The following CCM2 variants were observed in gnomAD, a reference collection of about 807,000 sequenced individuals.
CCM2 encodes the protein cerebral cavernous malformations 2 protein.
A neutral mutation model predicts 44.9 loss-of-function variants in CCM2; 25 were observed. The observed-to-expected ratio is 0.56, with a 90% CI of 0.41 to 0.78. CCM2 has a LOEUF of 0.78. Among genes scored for constraint, CCM2 ranks in the 30% least tolerant of loss-of-function variants. The probability of loss-of-function intolerance (pLI) is 0.00; values close to 1 mark genes in which losing one functional copy is unlikely to be tolerated. For synonymous variants in CCM2, 219 were observed against 241.1 expected (o/e 0.91, Z 0.85); for missense variants, 481 against 580.6 (o/e 0.83, Z 1.76).
At chr7:45,056,303 T>C (rs533778291) in intron 2 of CCM2, among the ~76,000 whole-genome samples, 1 of 152,356 alleles carries the variant, frequency 6.6e-6, no homozygotes, top group East Asian at 1.9e-4. Flanking sequence ...CCATCAGTAA[T>C]GCACAGGGTT....
At chr7:45,066,647 G>T (rs576479441) in intron 4 of CCM2, among the ~76,000 whole-genome samples, 6 of 152,290 alleles carry the variant, frequency 3.9e-5, no homozygotes, top group African/African-American at 1.4e-4. Context: ...CATGTGGCAG[G>T]AGCTGCTTGG....
intron 2 of CCM2, among the ~76,000 whole-genome samples, chr7:45,048,101 G>A (rs1797844133): frequency 6.6e-6 from 1 of 152,122 alleles, no homozygotes; most frequent in South Asian, 2.1e-4. Context: ...AGGAATATAA[G>A]CCCATTATTT....
chr7:45,004,572 G>T (rs1795769279), intron 1 of CCM2, among the ~76,000 whole-genome samples: 2 of 152,234 alleles, frequency 1.3e-5, no homozygotes, highest in South Asian at 4.1e-4. Context: ...TTTGGTCACT[G>T]CAGGCACCAG....
intron 2 of CCM2, among the ~76,000 whole-genome samples, chr7:45,059,464 G>C (rs912327143): frequency 6.6e-6 from 1 of 151,584 alleles, no homozygotes; most frequent in Non-Finnish European, 1.5e-5. Context: ...AAAAATACAG[G>C]CTGGGTGCGG....
chr7:45,032,147 G>T (rs905967176), intron 1 of CCM2, among the ~76,000 whole-genome samples: 1 of 152,132 alleles, frequency 6.6e-6, no homozygotes, highest in African/African-American at 2.4e-5. Flanking sequence ...TTACTTAATA[G>T]TGTTAATATT....
intron 2 of CCM2, among the ~76,000 whole-genome samples, chr7:45,048,092 G>A (rs1797843656): frequency 1.3e-5 from 2 of 152,262 alleles, no homozygotes; most frequent in South Asian, 4.1e-4. Flanking sequence ...ATAAGCAATA[G>A]GAATATAAGC....
At chr7:45,074,101 C>G in intron 8 of CCM2, 169 bp from the exon 9 acceptor site, 2 of 1,444,292 alleles carry the variant, frequency 1.4e-6, no homozygotes, top group South Asian at 2.7e-5. Flanking sequence ...CGTGCCAGGT[C>G]TGGTAGGATG....
In CCM2 at chr7:45,069,865, T is replaced by C; in HGVS notation, c.649T>C (p.Phe217Leu). 6.2e-7 allele frequency: 1 copy of C among 1,614,244 alleles called. No homozygotes were observed. The highest frequency in any genetic ancestry group is 8.5e-7 in the Non-Finnish European group (1 of 1,180,048). ...GCTTTGCTGTCTGCTAGGCCAGGTC[T>C]TCCAGGTTGTTTACACGGAGTCCAC... ...EELCCLLGQVFQVVYTESTID... is the reference protein window; with the variant it reads ...EELCCLLGQVLQVVYTESTID... Residue 217 changes from phenylalanine to leucine, a missense_variant, in exon 6 of 10, where the codon TTC (phenylalanine) becomes CTC (leucine). Physicochemically the swap from Phe to Leu is conservative, Grantham distance 22. Transcript: ENST00000258781.
chr7:45,025,281 G>A (rs780832651), intron 1 of CCM2, among the ~76,000 whole-genome samples: 9 of 151,998 alleles, frequency 5.9e-5, no homozygotes, highest in Non-Finnish European at 1.0e-4. Flanking sequence ...TCTTTTTGGG[G>A]GCTAACATTT....
At chr7:45,024,775 A>G (rs1242079439) in intron 1 of CCM2, among the ~76,000 whole-genome samples, 1 of 152,112 alleles carries the variant, frequency 6.6e-6, no homozygotes, top group African/African-American at 2.4e-5. Context: ...TTTTACAGGT[A>G]CTTTTTTTTG....
At chr7:45,048,709 G>A (rs1001240551) in intron 2 of CCM2, among the ~76,000 whole-genome samples, 1 of 151,922 alleles carries the variant, frequency 6.6e-6, no homozygotes, top group African/African-American at 2.4e-5. Context: ...GTTGCAGTGA[G>A]CCGAGATTGT....
At chr7:45,001,622 T>C (rs1447758960) in intron 1 of CCM2, among the ~76,000 whole-genome samples, 1 of 152,222 alleles carries the variant, frequency 6.6e-6, no homozygotes, top group Admixed American at 6.5e-5. Flanking sequence ...CGCTAAGGAC[T>C]GATGACCTCA....
rs551511374 is a variant in CCM2, at chr7:45,074,263, C to A, written c.916-7C>A. 6 of 1,613,372 alleles carry A rather than the reference C, an allele frequency of 3.7e-6. No individual in the cohort carries two copies. The African/African-American group carries it at 5.3e-5, about 14-fold the overall frequency. Reference sequence around the variant, plus strand: ...CCAGCCCCCTATCTGGCTCTGCTCTCTTGCAGCTGCGCACCAAGCTGTCAT... The same window carrying A: ...CCAGCCCCCTATCTGGCTCTGCTCTATTGCAGCTGCGCACCAAGCTGTCAT... On this transcript the variant is annotated splice_polypyrimidine_tract_variant and splice_region_variant and intron_variant, in intron 8 of 9. Coordinates refer to ENST00000258781, the MANE Select transcript of CCM2 (RefSeq NM_031443.4).
chr7:45,058,670 C>T (rs1562901560), intron 2 of CCM2, among the ~76,000 whole-genome samples: 1 of 152,072 alleles, frequency 6.6e-6, no homozygotes, highest in Non-Finnish European at 1.5e-5. Context: ...TCCTGGTTTG[C>T]TGAGAGCTTT....
At chr7:45,013,507 C>T (rs1347071004) in intron 1 of CCM2, among the ~76,000 whole-genome samples, 2 of 152,070 alleles carry the variant, frequency 1.3e-5, no homozygotes, top group African/African-American at 4.8e-5. Flanking sequence ...CCCCATGACC[C>T]TTTAACACTT....
chr7:45,019,328 G>A (rs186128370), intron 1 of CCM2, among the ~76,000 whole-genome samples: 55 of 152,064 alleles, frequency 3.6e-4, no homozygotes, highest in African/African-American at 1.2e-3. Context: ...TCCTGCTTCC[G>A]CCTCCTGGGA....
rs755800734 is a variant in CCM2, at chr7:45,038,277, C to T, written c.55C>T (p.Arg19Ter). The stretch of plus-strand genomic sequence containing the variant: ...GCCTGGAATTGTCTCGCCATTTAAA[C>T]GAGTATTCCTAAAAGGTGAAAAGAG... ...KKPGIVSPFK[R>*]VFLKGEKSRD... Residue 19 changes from arginine (R) to a stop codon, truncating the protein, a stop_gained, in exon 2 of 10, where the codon CGA (arginine) becomes TGA (stop). Coordinates refer to ENST00000258781, the MANE Select transcript of CCM2 (RefSeq NM_031443.4). LOFTEE classifies it high-confidence loss of function. 4 of 1,614,006 alleles carry T rather than the reference C, an allele frequency of 2.5e-6. No homozygotes were observed. Among genetic ancestry groups the T allele is most frequent in the Admixed American group, 1.7e-5 (1 of 60,002 alleles).
intron 1 of CCM2, among the ~76,000 whole-genome samples, chr7:45,031,611 G>A (rs970662488): frequency 6.6e-6 from 1 of 152,084 alleles, no homozygotes; most frequent in Non-Finnish European, 1.5e-5. Context: ...AGGCTGGAGT[G>A]CAGTGGTGTG....
rs892373829 is a variant in CCM2 at position 45,012,783 on chromosome 7, T to C, written c.30+12420T>C. Among the ~76,000 whole-genome samples, 4 of 152,016 alleles carry C rather than the reference T, an allele frequency of 2.6e-5. No individual in the cohort carries two copies. The East Asian group carries it at 5.8e-4, about 22-fold the overall frequency. ...CCCAGGTCGTCTCAAACTCCTGGCC[T>C]CAGTGATCCTCTTCAGCCTCCCGAG... On this transcript the variant is annotated intron_variant, in intron 1 of 9. Transcript: ENST00000258781.
Sources: gnomAD v4.1 joint callset for allele counts (sites outside exome capture counted in the v4.1 genomes callset) on GRCh38, gnomAD v4.1.1 for gene constraint, MANE v1.5 for transcripts, NCBI Gene and HGNC (gene_info 2026-07-23, HGNC 2026-07-21) for gene names.